Variants in TBCK observed in about 807,000 individuals in gnomAD.
TBCK encodes the protein TBC1 domain containing kinase.
Under a neutral mutation model 113.4 loss-of-function variants are expected in TBCK, and 99 were observed. The ratio of observed to expected loss-of-function variants is 0.87; its 90% CI spans 0.74 to 1.03. The LOEUF (loss-of-function observed/expected upper bound fraction) is 1.03, where lower values mean the gene tolerates loss of function less well. Among genes scored for constraint, TBCK ranks in the 50% least tolerant of loss-of-function variants. The pLI, the probability that TBCK is intolerant of heterozygous loss-of-function variation, is 0.00. For missense variants in TBCK, 1,045 were observed against 1,061.3 expected, an observed-to-expected ratio of 0.98 and a Z score of 0.21; for synonymous variants, 369 against 370.8, an observed-to-expected ratio of 1.00 and a Z score of 0.05.
At chr4:106,201,234 T>C (rs968821557) in intron 20 of TBCK, among the ~76,000 whole-genome samples, 16 of 152,120 alleles carry the variant, frequency 1.1e-4, no homozygotes, top group Admixed American at 6.5e-4. Flanking sequence ...CTCTGTGAGA[T>C]AGTAATGTCT....
At chr4:106,276,519 C>A (rs1764040845) in intron 3 of TBCK, among the ~76,000 whole-genome samples, 1 of 152,218 alleles carries the variant, frequency 6.6e-6, no homozygotes, top group Non-Finnish European at 1.5e-5. Flanking sequence ...CGAGACCAGC[C>A]TGGGTAACAC....
intron 23 of TBCK, among the ~76,000 whole-genome samples, chr4:106,137,525 A>G (rs1746699743): frequency 7.1e-6 from 1 of 140,666 alleles, no homozygotes. Flanking sequence ...TCAATCTACA[A>G]ATATCATTTT....
At chr4:106,279,180 C>T (rs911496069) in intron 3 of TBCK, among the ~76,000 whole-genome samples, 2 of 152,128 alleles carry the variant, frequency 1.3e-5, no homozygotes, top group African/African-American at 4.8e-5. Context: ...AATCTCCTAC[C>T]TGAGTCAATT....
chr4:106,213,734 C>G (rs1034599500), intron 19 of TBCK: 17 of 155,996 alleles, frequency 1.1e-4, no homozygotes, highest in Admixed American at 2.6e-4. Flanking sequence ...CGGAGTCTCC[C>G]TGATTGCTAG....
intron 6 of TBCK, 77 bp from the exon 7 acceptor site, chr4:106,250,555 C>A (rs970800482): frequency 1.4e-6 from 1 of 737,646 alleles, no homozygotes; most frequent in Non-Finnish European, 2.2e-6. Context: ...CCCCTTATAG[C>A]TGAAACTGAT....
intron 23 of TBCK, among the ~76,000 whole-genome samples, chr4:106,146,410 A>G (rs151186466): frequency 0.14 from 21,471 of 152,066 alleles, 1,712 homozygotes; most frequent in South Asian, 0.25. Flanking sequence ...ATATGAACAC[A>G]AAGAAGGAAA....
chr4:106,203,487 T>C (rs981317232), intron 20 of TBCK, among the ~76,000 whole-genome samples: 6 of 151,790 alleles, frequency 4.0e-5, no homozygotes, highest in African/African-American at 1.4e-4. Flanking sequence ...TTAATTTTTT[T>C]CCTCTATATA....
intron 1 of TBCK, among the ~76,000 whole-genome samples, chr4:106,309,615 T>C (rs1417906061): frequency 6.6e-6 from 1 of 151,974 alleles, no homozygotes; most frequent in African/African-American, 2.4e-5. Flanking sequence ...AAGGCTCCTC[T>C]CTTTACCTAA....
intron 2 of TBCK, among the ~76,000 whole-genome samples, chr4:106,296,887 T>C (rs1766368313): frequency 6.6e-6 from 1 of 152,108 alleles, no homozygotes; most frequent in Non-Finnish European, 1.5e-5. Context: ...TCAAGTTACT[T>C]ACTTAACAAA....
intron 23 of TBCK, among the ~76,000 whole-genome samples, chr4:106,156,251 C>T (rs552970360): frequency 1.3e-5 from 2 of 152,290 alleles, no homozygotes; most frequent in South Asian, 4.1e-4. Flanking sequence ...TTCTGAGCCA[C>T]CTAGAGCTTG....
At chr4:106,249,132 A>C (rs1761160948) in intron 7 of TBCK, 150 bp from the exon 8 acceptor site, 1 of 536,600 alleles carries the variant, frequency 1.9e-6, no homozygotes, top group African/African-American at 2.0e-5. Flanking sequence ...AAATTTCTTT[A>C]CATGTTTTGA....
At chr4:106,167,274 C>G (rs1750515125) in intron 23 of TBCK, among the ~76,000 whole-genome samples, 1 of 148,352 alleles carries the variant, frequency 6.7e-6, no homozygotes, top group Non-Finnish European at 1.5e-5. Flanking sequence ...GAATCAATAC[C>G]AACATACTTA....
chr4:106,231,825 A>G (rs757996938), intron 17 of TBCK, 46 bp from the exon 18 acceptor site: 7 of 1,532,152 alleles, frequency 4.6e-6, no homozygotes, highest in Admixed American at 1.8e-5. Context: ...AATATAATCT[A>G]GTAGAATTGA....
intron 3 of TBCK, among the ~76,000 whole-genome samples, chr4:106,262,505 C>T (rs1454606924): frequency 6.6e-6 from 1 of 152,034 alleles, no homozygotes; most frequent in African/African-American, 2.4e-5. Flanking sequence ...GTGAGTGCAA[C>T]TAACCTATAG....
At chr4:106,128,800 C>T (rs111365541) in intron 23 of TBCK, among the ~76,000 whole-genome samples, 4,094 of 151,978 alleles carry the variant, frequency 0.027, 178 homozygotes, top group African/African-American at 0.094. Flanking sequence ...ACAAACTAGA[C>T]AAAAATGCCA....
intron 14 of TBCK, 30 bp from the exon 15 acceptor site, chr4:106,235,397 C>T (rs766369069): frequency 6.9e-7 from 1 of 1,445,084 alleles, no homozygotes; most frequent in Non-Finnish European, 9.5e-7. Context: ...ATGAAAACGT[C>T]TCAAATTACC....
chr4:106,278,719 A>G (rs1764270846), intron 3 of TBCK, among the ~76,000 whole-genome samples: 2 of 152,066 alleles, frequency 1.3e-5, no homozygotes, highest in Non-Finnish European at 2.9e-5. Context: ...AAAAGTAAAT[A>G]TAAAATGTAT....
intron 19 of TBCK, among the ~76,000 whole-genome samples, chr4:106,220,122 G>T (rs1579293508): frequency 6.6e-6 from 1 of 152,092 alleles, no homozygotes; most frequent in East Asian, 1.9e-4. Context: ...AACATGGTTT[G>T]GCTGTGTCCC....
chr4:106,131,469 T>C (rs1313502144), intron 23 of TBCK, among the ~76,000 whole-genome samples: 3 of 152,040 alleles, frequency 2.0e-5, no homozygotes, highest in Non-Finnish European at 4.4e-5. Context: ...AAAAATTAGC[T>C]GGGCATGGTG....
Sources: allele counts gnomAD v4.1 joint callset (sites outside exome capture counted in the v4.1 genomes callset), GRCh38; gene constraint gnomAD v4.1.1; transcripts MANE v1.5; gene names NCBI Gene and HGNC (gene_info 2026-07-23, HGNC 2026-07-21).